The following TTC28 variants were observed in gnomAD, a reference collection of about 807,000 sequenced individuals.
TTC28 encodes tetratricopeptide repeat domain 28, also known as tetratricopeptide repeat protein 28.
In TTC28, 61 loss-of-function variants were observed where a neutral mutation model predicts 198.0. The ratio of observed to expected loss-of-function variants is 0.31; its 90% CI spans 0.25 to 0.38. The LOEUF (loss-of-function observed/expected upper bound fraction) is 0.38, where lower values mean the gene tolerates loss of function less well. Ranked by LOEUF, TTC28 falls within the 10% of genes least tolerant of loss-of-function variation. The probability of loss-of-function intolerance (pLI) is 1.00; values close to 1 mark genes in which losing one functional copy is unlikely to be tolerated. For missense variants in TTC28, 2,678 were observed against 3,164.0 expected (o/e 0.85, Z 3.69); for synonymous variants, 1,171 against 1,297.8 (o/e 0.90, Z 2.10).
chr22:28,198,996 C>G (rs1471248798), intron 5 of TTC28, among the ~76,000 whole-genome samples: 1 of 152,084 alleles, frequency 6.6e-6, no homozygotes, highest in Non-Finnish European at 1.5e-5. Flanking sequence ...ACCAATAGTT[C>G]AGTCCCTGTC....
chr22:28,107,011 A>G, intron 7 of TTC28, 51 bp downstream of exon 7: 1 of 1,492,894 alleles, frequency 6.7e-7, no homozygotes, highest in South Asian at 1.4e-5. Context: ...TACTGCCACA[A>G]ATGCTCTTTT....
chr22:28,439,603 G>T (rs969460105), intron 2 of TTC28, among the ~76,000 whole-genome samples: 1 of 152,140 alleles, frequency 6.6e-6, no homozygotes, highest in African/African-American at 2.4e-5. Flanking sequence ...ACCTCAGTTT[G>T]CTTATATGTA....
At chr22:28,253,863 G>A (rs942853215) in intron 5 of TTC28, among the ~76,000 whole-genome samples, 1 of 152,018 alleles carries the variant, frequency 6.6e-6, no homozygotes, top group African/African-American at 2.4e-5. Context: ...CCAGCACTTT[G>A]GGAGGCCAAG....
At chr22:28,637,519 A>T (rs1299758013) in intron 1 of TTC28, among the ~76,000 whole-genome samples, 1 of 152,188 alleles carries the variant, frequency 6.6e-6, no homozygotes, top group Non-Finnish European at 1.5e-5. Flanking sequence ...AAATACCTAT[A>T]GCAGATACAC....
chr22:28,083,546 C>T (rs189592617), intron 12 of TTC28, among the ~76,000 whole-genome samples: 84 of 152,306 alleles, frequency 5.5e-4, no homozygotes, highest in Non-Finnish European at 9.6e-4. Context: ...CCAAGATGGC[C>T]GAATAGGAAC....
intron 12 of TTC28, among the ~76,000 whole-genome samples, chr22:28,063,770 C>T (rs1029001379): frequency 9.9e-5 from 15 of 152,086 alleles, no homozygotes; most frequent in Admixed American, 6.5e-4. Flanking sequence ...TACCACATGT[C>T]TCTGTAGTGA....
At chr22:28,401,830 T>G (rs1004884827) in intron 2 of TTC28, among the ~76,000 whole-genome samples, 2 of 152,150 alleles carry the variant, frequency 1.3e-5, no homozygotes, top group African/African-American at 4.8e-5. Context: ...CAGGAGAGCA[T>G]AGACATAATC....
intron 8 of TTC28, 104 bp from the exon 9 acceptor site, chr22:28,101,384 G>A: frequency 2.0e-6 from 2 of 985,996 alleles, no homozygotes; most frequent in Non-Finnish European, 3.0e-6. Context: ...TGTTTGTTTT[G>A]AGACAGGGTC....
chr22:28,548,735 G>C (rs2049595513), intron 2 of TTC28, among the ~76,000 whole-genome samples: 1 of 152,148 alleles, frequency 6.6e-6, no homozygotes, highest in African/African-American at 2.4e-5. Flanking sequence ...TATCAATCCA[G>C]CATTATTATA....
intron 6 of TTC28, among the ~76,000 whole-genome samples, chr22:28,118,489 TATA>T (rs1455854917): frequency 6.6e-6 from 1 of 152,192 alleles, no homozygotes; most frequent in African/African-American, 2.4e-5. Context: ...CCCATAAGAT[TATA>T]ATACCATATT....
intron 2 of TTC28, among the ~76,000 whole-genome samples, chr22:28,396,099 A>C (rs186914598): frequency 6.6e-6 from 1 of 152,342 alleles, no homozygotes; most frequent in Non-Finnish European, 1.5e-5. Flanking sequence ...GAAAGATACT[A>C]CTTAAAATAG....
At chr22:28,106,884 T>C (rs1370394856) in intron 7 of TTC28, among the ~76,000 whole-genome samples, 178 bp downstream of exon 7, 4 of 152,178 alleles carry the variant, frequency 2.6e-5, no homozygotes, top group African/African-American at 2.4e-5. Context: ...TCTTCATCCA[T>C]AACATAAGGG....
At chr22:28,155,467 A>C (rs1390512464) in intron 6 of TTC28, among the ~76,000 whole-genome samples, 1 of 152,260 alleles carries the variant, frequency 6.6e-6, no homozygotes, top group Non-Finnish European at 1.5e-5. Context: ...ACAACTACCT[A>C]TAATTTATGT....
intron 2 of TTC28, among the ~76,000 whole-genome samples, chr22:28,386,658 T>C (rs2046602868): frequency 1.3e-5 from 2 of 152,002 alleles, no homozygotes; most frequent in South Asian, 4.1e-4. Context: ...TGCCTTGGGG[T>C]GAAAGGGAGA....
chr22:28,384,388 C>CCTT (rs2046542103), intron 2 of TTC28, among the ~76,000 whole-genome samples: 2 of 152,086 alleles, frequency 1.3e-5, no homozygotes, highest in Non-Finnish European at 2.9e-5. Context: ...GTACCTAAGC[C>CCTT]CTTCATCACT....
intron 15 of TTC28, chr22:28,000,446 T>G (rs1232282655): frequency 1.3e-5 from 2 of 152,316 alleles, no homozygotes; most frequent in African/African-American, 4.8e-5. Flanking sequence ...GGGTAAGACC[T>G]GTCCCGCCTG....
At chr22:28,645,113 C>T (rs1016180533) in intron 1 of TTC28, among the ~76,000 whole-genome samples, 2 of 151,062 alleles carry the variant, frequency 1.3e-5, no homozygotes, top group Admixed American at 6.6e-5. Context: ...CCACTGCACT[C>T]GCCTGGGCGA....
intron 14 of TTC28, among the ~76,000 whole-genome samples, chr22:28,011,797 G>A (rs1377182539): frequency 6.6e-6 from 1 of 152,098 alleles, no homozygotes; most frequent in Non-Finnish European, 1.5e-5. Flanking sequence ...ACCTCAGCTG[G>A]GCCAGAGAGA....
chr22:28,671,471 T>C (rs1032823704), intron 1 of TTC28, among the ~76,000 whole-genome samples: 33 of 151,512 alleles, frequency 2.2e-4, no homozygotes, highest in Non-Finnish European at 4.1e-4. Flanking sequence ...CCATCTCTAC[T>C]AAAAATACAA....
Sources: gnomAD v4.1 joint callset for allele counts (sites outside exome capture counted in the v4.1 genomes callset) on GRCh38, gnomAD v4.1.1 for gene constraint, MANE v1.5 for transcripts, NCBI Gene and HGNC (gene_info 2026-07-23, HGNC 2026-07-21) for gene names.